Variants in CHLSN observed in about 807,000 individuals in gnomAD.
CHLSN encodes cholesin, also known as protein cholesin.
the CHLSN span, among the ~76,000 whole-genome samples, chr7:1,012,324 C>T: frequency 3.3e-5 from 5 of 152,222 alleles, no homozygotes; most frequent in African/African-American, 4.8e-5. Flanking sequence ...GTGGTGAGGA[C>T]GGGGCCAAGG....
chr7:1,117,910 G>A, the CHLSN span, among the ~76,000 whole-genome samples: 1 of 152,182 alleles, frequency 6.6e-6, no homozygotes, highest in Non-Finnish European at 1.5e-5. Flanking sequence ...CTGAGCTCAA[G>A]GGATCCTCCC....
At chr7:992,240 GC>G in the CHLSN span, among the ~76,000 whole-genome samples, 1 of 152,204 alleles carries the variant, frequency 6.6e-6, no homozygotes, top group Admixed American at 6.5e-5. Flanking sequence ...TGGGCAGGCT[GC>G]TCTTGGCCCC....
chr7:1,136,753 AC>A, the CHLSN span, among the ~76,000 whole-genome samples: 1 of 151,502 alleles, frequency 6.6e-6, no homozygotes, highest in Non-Finnish European at 1.5e-5. Context: ...CGTAATCAAT[AC>A]CCCTGATCAC....
chr7:1,136,808 C>T, the CHLSN span, among the ~76,000 whole-genome samples: 1 of 151,930 alleles, frequency 6.6e-6, no homozygotes, highest in South Asian at 2.1e-4. Flanking sequence ...TCTCCATAAA[C>T]ATCCATCTGA....
chr7:1,063,147 C>T, the CHLSN span, among the ~76,000 whole-genome samples: 1,745 of 152,290 alleles, frequency 0.011, 16 homozygotes, highest in Middle Eastern at 0.027. Context: ...CACCTTGACT[C>T]GCTGGGGGAC....
At chr7:1,074,772 G>A in the CHLSN span, 1 of 152,584 alleles carries the variant, frequency 6.6e-6, no homozygotes, top group Non-Finnish European at 1.5e-5. Context: ...AGCAGCTGGG[G>A]AGGTGAGGCC....
At chr7:1,082,588 G>A in the CHLSN span, among the ~76,000 whole-genome samples, 235 of 152,334 alleles carry the variant, frequency 1.5e-3, 1 homozygote, top group African/African-American at 3.7e-3. Flanking sequence ...ACCCAAAGCC[G>A]GCCAGGCCAC....
the CHLSN span, among the ~76,000 whole-genome samples, chr7:1,116,160 C>A: frequency 7.4e-6 from 1 of 134,960 alleles, no homozygotes. Flanking sequence ...TACGGACCGG[C>A]TTCCATCACC....
At chr7:1,118,846 T>G in the CHLSN span, among the ~76,000 whole-genome samples, 1 of 146,720 alleles carries the variant, frequency 6.8e-6, no homozygotes, top group African/African-American at 2.6e-5. Context: ...TTGCTAGATA[T>G]TAAAGCATAT....
chr7:1,069,134 A>G, the CHLSN span, among the ~76,000 whole-genome samples: 1 of 152,114 alleles, frequency 6.6e-6, no homozygotes, highest in Non-Finnish European at 1.5e-5. Context: ...GGAGTTCGAG[A>G]CCAGCTTTAC....
chr7:1,016,146 G>GCAGCACACGC, the CHLSN span, among the ~76,000 whole-genome samples: 1 of 96,290 alleles, frequency 1.0e-5, no homozygotes, highest in Non-Finnish European at 1.9e-5. Flanking sequence ...CCAGCACACA[G>GCAGCACACGC]CAGCACACGC....
At chr7:1,039,652 A>G in the CHLSN span, among the ~76,000 whole-genome samples, 1 of 66,688 alleles carries the variant, frequency 1.5e-5, no homozygotes, top group African/African-American at 1.4e-4. Flanking sequence ...CTGCCCGGCC[A>G]CTACCCCGTC....
the CHLSN span, among the ~76,000 whole-genome samples, chr7:1,053,720 G>A: frequency 1.2e-4 from 19 of 152,304 alleles, no homozygotes; most frequent in South Asian, 8.3e-4. Flanking sequence ...CCAGCTATTC[G>A]GGAGGCTGAG....
the CHLSN span, among the ~76,000 whole-genome samples, chr7:1,115,859 G>T: frequency 9.2e-6 from 1 of 108,812 alleles, no homozygotes; most frequent in East Asian, 2.5e-4. Context: ...CACGCAGGAT[G>T]ATGACATCAC....
At chr7:1,010,195 G>T in the CHLSN span, 2 of 1,524,888 alleles carry the variant, frequency 1.3e-6, no homozygotes, top group East Asian at 2.3e-5. Flanking sequence ...ATCCAGAGAC[G>T]GGTGCGCTGC....
the CHLSN span, among the ~76,000 whole-genome samples, chr7:1,136,371 T>TATATAC: frequency 4.9e-4 from 38 of 77,350 alleles, 2 homozygotes; most frequent in African/African-American, 2.3e-3. Flanking sequence ...TATATATAAA[T>TATATAC]ATATATAAAT....
chr7:1,016,810 C>T, the CHLSN span, among the ~76,000 whole-genome samples: 4 of 98,042 alleles, frequency 4.1e-5, no homozygotes, highest in Admixed American at 9.6e-5. Flanking sequence ...CAGCAGCACA[C>T]ACCAGCGCAC....
chr7:1,008,996 TACAC>T, the CHLSN span, among the ~76,000 whole-genome samples: 4 of 53,186 alleles, frequency 7.5e-5, no homozygotes, highest in South Asian at 1.4e-3. Context: ...CGAACACACA[TACAC>T]GCACACACAC....
At chr7:1,001,097 G>A in the CHLSN span, among the ~76,000 whole-genome samples, 1 of 152,152 alleles carries the variant, frequency 6.6e-6, no homozygotes, top group African/African-American at 2.4e-5. Context: ...GTGGACATCA[G>A]GCAGCTGCGG....
Sources: allele counts gnomAD v4.1 joint callset (sites outside exome capture counted in the v4.1 genomes callset), GRCh38; gene constraint gnomAD v4.1.1; transcripts MANE v1.5; gene names NCBI Gene and HGNC (gene_info 2026-07-23, HGNC 2026-07-21).